GRM7: variants seen among roughly 807,000 people sequenced by gnomAD.
The protein encoded by GRM7 is metabotropic glutamate receptor 7.
Under a neutral mutation model 84.5 loss-of-function variants are expected in GRM7, and 35 were observed. The observed-to-expected ratio is 0.41, with a 90% CI of 0.32 to 0.55. The LOEUF (loss-of-function observed/expected upper bound fraction) is 0.55, where lower values mean the gene tolerates loss of function less well. Ranked by LOEUF, GRM7 falls within the 20% of genes least tolerant of loss-of-function variation. The pLI is 0.19. For synonymous variants in GRM7, 487 were observed against 455.1 expected, an observed-to-expected ratio of 1.07 and a Z score of -0.89; for missense variants, 1,003 against 1,194.6, an observed-to-expected ratio of 0.84 and a Z score of 2.36.
intron 1 of GRM7, among the ~76,000 whole-genome samples, chr3:7,025,579 T>G (rs1480039518): frequency 6.6e-6 from 1 of 152,204 alleles, no homozygotes; most frequent in East Asian, 1.9e-4. Flanking sequence ...ATCAAATCCC[T>G]GAGTCATGCC....
chr3:6,875,532 T>G (rs1232752907), intron 1 of GRM7, among the ~76,000 whole-genome samples: 2 of 152,204 alleles, frequency 1.3e-5, no homozygotes, highest in Non-Finnish European at 2.9e-5. Flanking sequence ...CTGCCATGAT[T>G]GTGAGGCCTC....
At chr3:7,450,245 C>T (rs1466471660) in intron 5 of GRM7, among the ~76,000 whole-genome samples, 1 of 152,084 alleles carries the variant, frequency 6.6e-6, no homozygotes, top group Non-Finnish European at 1.5e-5. Context: ...GCCTTTCTCA[C>T]GTACCTGATT....
chr3:7,563,504 A>G (rs986398031), intron 7 of GRM7, among the ~76,000 whole-genome samples: 2 of 152,212 alleles, frequency 1.3e-5, no homozygotes, highest in African/African-American at 4.8e-5. Context: ...GAGATTTCAA[A>G]CAAGAGAAAG....
intron 8 of GRM7, among the ~76,000 whole-genome samples, chr3:7,606,471 T>C (rs1365491164): frequency 6.6e-6 from 1 of 152,178 alleles, no homozygotes; most frequent in Non-Finnish European, 1.5e-5. Context: ...CAAATAAGCA[T>C]AGAAAGTCAT....
intron 2 of GRM7, among the ~76,000 whole-genome samples, chr3:7,272,667 T>C (rs989375981): frequency 3.0e-4 from 45 of 152,092 alleles, no homozygotes; most frequent in Non-Finnish European, 8.8e-5. Flanking sequence ...CTATTATTAT[T>C]TGAATGTTCT....
At chr3:7,240,867 C>A (rs1381580038) in intron 2 of GRM7, among the ~76,000 whole-genome samples, 7 of 152,264 alleles carry the variant, frequency 4.6e-5, no homozygotes, top group East Asian at 3.9e-4. Flanking sequence ...TGTACATTTT[C>A]TATGTTTAGA....
chr3:7,363,447 C>T (rs183581820), intron 4 of GRM7, among the ~76,000 whole-genome samples: 63 of 152,154 alleles, frequency 4.1e-4, no homozygotes, highest in Admixed American at 3.0e-3. Flanking sequence ...TGCAGTATAA[C>T]GAACACTATT....
At chr3:7,083,742 A>G (rs1156785804) in intron 1 of GRM7, among the ~76,000 whole-genome samples, 1 of 152,168 alleles carries the variant, frequency 6.6e-6, no homozygotes, top group Admixed American at 6.6e-5. Context: ...CACAAGCAAG[A>G]AATAAATAGC....
chr3:7,215,303 G>A (rs1268039834), intron 2 of GRM7, among the ~76,000 whole-genome samples: 1 of 152,156 alleles, frequency 6.6e-6, no homozygotes, highest in East Asian at 1.9e-4. Context: ...CTTACTTCAT[G>A]ACTTGAGTAA....
At chr3:7,682,052 A>ATGGC (rs891765420) in intron 9 of GRM7, 2 of 152,158 alleles carry the variant, frequency 1.3e-5, no homozygotes, top group Non-Finnish European at 2.9e-5. Context: ...AGAAGAATTT[A>ATGGC]TGGCTGGGCG....
intron 2 of GRM7, among the ~76,000 whole-genome samples, chr3:7,226,499 C>T (rs549099187): frequency 6.6e-6 from 1 of 152,212 alleles, no homozygotes; most frequent in East Asian, 1.9e-4. Context: ...GTCTCGAACT[C>T]CAGTCAAAGA....
intron 2 of GRM7, among the ~76,000 whole-genome samples, chr3:7,185,218 G>A (rs1276113880): frequency 2.0e-5 from 3 of 152,124 alleles, no homozygotes; most frequent in Non-Finnish European, 1.5e-5. Context: ...TGTGACCCCC[G>A]ACATTCACCT....
chr3:7,568,327 G>C (rs576064287), intron 7 of GRM7, among the ~76,000 whole-genome samples: 11 of 152,354 alleles, frequency 7.2e-5, no homozygotes, highest in East Asian at 5.8e-4. Flanking sequence ...AGAAGAAAGA[G>C]CTTTATTGGA....
chr3:6,996,148 A>C (rs898005069), intron 1 of GRM7, among the ~76,000 whole-genome samples: 2 of 152,054 alleles, frequency 1.3e-5, no homozygotes, highest in Non-Finnish European at 2.9e-5. Context: ...TCCCGAGTTC[A>C]AGCAATTCTC....
At position 7,578,916 on chromosome 3, in the gene GRM7, T is replaced by C. The variant is rs1437863183; in HGVS notation, c.2010T>C (p.Tyr670=). The C allele has an allele frequency of 3.1e-6, 5 of 1,614,096 alleles. No individual in the cohort carries two copies. The highest frequency in any genetic ancestry group is 2.2e-5 in the East Asian group (1 of 44,898). ...VFLGLGMCIS[Y]AALLTKTNRI... is the part of the protein sequence containing the mutation. ...TGGGCTTGGGTATGTGCATCAGTTA[T>C]GCAGCCCTCTTGACGAAAACAAATC... is the stretch of plus-strand genomic sequence containing the variant. The change falls in exon 8 of 10, where the codon TAT becomes TAC. Residue 670 remains tyrosine (Y), a synonymous_variant. Transcript: ENST00000357716.
intron 7 of GRM7, among the ~76,000 whole-genome samples, chr3:7,565,575 T>G (rs755798013): frequency 3.9e-5 from 6 of 152,134 alleles, no homozygotes; most frequent in Non-Finnish European, 8.8e-5. Flanking sequence ...AGAATTCAGA[T>G]AAATCCAGGA....
intron 4 of GRM7, among the ~76,000 whole-genome samples, chr3:7,349,611 T>G (rs1389570285): frequency 6.6e-6 from 1 of 152,180 alleles, no homozygotes; most frequent in Non-Finnish European, 1.5e-5. Flanking sequence ...TTACCATGAC[T>G]GGGCGCAGCC....
intron 4 of GRM7, among the ~76,000 whole-genome samples, chr3:7,409,963 C>T (rs1483955342): frequency 6.6e-6 from 1 of 152,124 alleles, no homozygotes; most frequent in Non-Finnish European, 1.5e-5. Flanking sequence ...TAGTATTTCT[C>T]ATTTCAGTGA....
intron 8 of GRM7, among the ~76,000 whole-genome samples, chr3:7,597,907 G>A (rs1696127061): frequency 6.6e-6 from 1 of 152,168 alleles, no homozygotes; most frequent in South Asian, 2.1e-4. Context: ...ATGGACAACA[G>A]ATCTCTTGTT....
Sources: gnomAD v4.1 joint callset for allele counts (sites outside exome capture counted in the v4.1 genomes callset) on GRCh38, gnomAD v4.1.1 for gene constraint, MANE v1.5 for transcripts, NCBI Gene and HGNC (gene_info 2026-07-23, HGNC 2026-07-21) for gene names.